The following FRMPD4 variants were observed in gnomAD, a reference collection of about 807,000 sequenced individuals.
FRMPD4 encodes the protein FERM and PDZ domain-containing protein 4.
Under a neutral mutation model 94.1 loss-of-function variants are expected in FRMPD4, and 22 were observed. The ratio of observed to expected loss-of-function variants is 0.23; its 90% CI spans 0.17 to 0.33. The LOEUF (loss-of-function observed/expected upper bound fraction) is 0.33. Among genes scored for constraint, FRMPD4 ranks in the 10% least tolerant of loss-of-function variants. FRMPD4 has a pLI of 1.00. For synonymous variants in FRMPD4, 631 were observed against 548.6 expected (o/e 1.15, Z -2.10); for missense variants, 1,111 against 1,339.9 (o/e 0.83, Z 2.67).
intron 1 of FRMPD4, among the ~76,000 whole-genome samples, chrX:12,476,030 A>G (rs1197568137): frequency 1.8e-5 from 2 of 110,580 alleles, no homozygotes; most frequent in Non-Finnish European, 3.8e-5. Context: ...AAAAGAACAA[A>G]GCTGGAGGCA....
intron 1 of FRMPD4, among the ~76,000 whole-genome samples, chrX:12,273,825 A>G (rs1366043513): frequency 1.8e-5 from 2 of 112,499 alleles, no homozygotes; most frequent in Non-Finnish European, 3.8e-5. Flanking sequence ...CTGGGTATCA[A>G]AACTGCATGC....
intron 1 of FRMPD4, chrX:12,494,913 A>AT (rs1447564936): frequency 4.1e-6 from 1 of 241,677 alleles, no homozygotes; most frequent in Admixed American, 9.3e-5. Flanking sequence ...GTAGGTCGCT[A>AT]TTTTTAAGGC....
At chrX:12,376,543 TC>T (rs1236794750) in intron 1 of FRMPD4, among the ~76,000 whole-genome samples, 2 of 112,559 alleles carry the variant, frequency 1.8e-5, no homozygotes, top group Non-Finnish European at 3.8e-5. Flanking sequence ...TTGTGAAATC[TC>T]CTAACCAGAT....
intron 2 of FRMPD4, among the ~76,000 whole-genome samples, chrX:12,603,963 C>T (rs1353960356): frequency 9.1e-6 from 1 of 110,078 alleles, no homozygotes; most frequent in Non-Finnish European, 1.9e-5. Flanking sequence ...GAAAACACAA[C>T]CTGTTGAGAG....
chrX:12,174,231 C>CT (rs931996257), intron 1 of FRMPD4, among the ~76,000 whole-genome samples: 1 of 112,308 alleles, frequency 8.9e-6, no homozygotes, highest in Non-Finnish European at 1.9e-5. Flanking sequence ...TCCAGTAAAA[C>CT]TTTTTTTACA....
intron 1 of FRMPD4, among the ~76,000 whole-genome samples, chrX:12,241,926 A>G (rs1268633341): frequency 1.1e-5 from 1 of 94,055 alleles, no homozygotes; most frequent in Admixed American, 1.3e-4. Context: ...GAAGAAGGAG[A>G]AGGAGAAGGA....
intron 2 of FRMPD4, among the ~76,000 whole-genome samples, chrX:12,516,333 G>C (rs969132580): frequency 1.8e-5 from 2 of 112,098 alleles, no homozygotes; most frequent in Non-Finnish European, 3.8e-5. Flanking sequence ...GTAGTGGCTT[G>C]TGATAGTTTT....
chrX:12,170,187 T>TG (rs1456291289), intron 1 of FRMPD4, among the ~76,000 whole-genome samples: 2 of 87,027 alleles, frequency 2.3e-5, no homozygotes, highest in African/African-American at 1.0e-4. Context: ...TCCACAGAGT[T>TG]TTTTTTTTTT....
intron 1 of FRMPD4, among the ~76,000 whole-genome samples, chrX:12,305,747 T>TTTTTG (rs1569225517): frequency 1.1e-5 from 1 of 91,699 alleles, no homozygotes; most frequent in South Asian, 5.5e-4. Context: ...TTTTTTTTTT[T>TTTTTG]ACAGAGACAG....
At position 12,362,923 on chromosome X, in the gene FRMPD4, T is replaced by C. The variant is rs1216951676; in HGVS notation, c.42-135757T>C. ...CTAACTGGTGTGAGATGGTATCTCA[T>C]TGTGGTTTTGATTTGTATTTCTCTG... On this transcript the variant is annotated intron_variant, in intron 1 of 16. Coordinates refer to ENST00000675598, the MANE Select transcript of FRMPD4 (RefSeq NM_001368397.1). Among the ~76,000 whole-genome samples, 3 of 112,033 alleles carry C rather than the reference T, an allele frequency of 2.7e-5. No homozygotes were observed. The East Asian group carries it at 8.4e-4, about 31-fold the overall frequency.
intron 3 of FRMPD4, among the ~76,000 whole-genome samples, chrX:11,926,876 A>G (rs1356577174): frequency 9.0e-6 from 1 of 111,581 alleles, no homozygotes; most frequent in South Asian, 3.8e-4. Flanking sequence ...CCTATTCAGC[A>G]TAGTATTGGA....
At chrX:12,171,714 A>G (rs1363622984) in intron 1 of FRMPD4, among the ~76,000 whole-genome samples, 1 of 112,162 alleles carries the variant, frequency 8.9e-6, no homozygotes, top group East Asian at 2.8e-4. Context: ...TGAGCGTGGG[A>G]CTTCATATCT....
chrX:12,363,831 G>A (rs1334778269), intron 1 of FRMPD4, among the ~76,000 whole-genome samples: 1 of 111,690 alleles, frequency 9.0e-6, no homozygotes, highest in Non-Finnish European at 1.9e-5. Flanking sequence ...TTGCCAACAT[G>A]ACAGCCAGGA....
intron 3 of FRMPD4, among the ~76,000 whole-genome samples, chrX:12,106,012 C>T (rs1473850514): frequency 8.9e-6 from 1 of 112,062 alleles, no homozygotes; most frequent in East Asian, 2.8e-4. Context: ...TTCTTGGGCT[C>T]CACTACCTTC....
chrX:12,213,037 T>G (rs778012230), intron 1 of FRMPD4, among the ~76,000 whole-genome samples: 1 of 111,429 alleles, frequency 9.0e-6, no homozygotes, highest in Non-Finnish European at 1.9e-5. Context: ...TCTCCCTCAT[T>G]AATTTCTTTC....
At chrX:12,421,788 T>TGG (rs58028553) in intron 1 of FRMPD4, among the ~76,000 whole-genome samples, 3 of 94,636 alleles carry the variant, frequency 3.2e-5, no homozygotes, top group Non-Finnish European at 4.2e-5. Flanking sequence ...AAAAAAAAGC[T>TGG]GGGGGGGCAG....
At chrX:12,373,617 T>C (rs1006466736) in intron 1 of FRMPD4, among the ~76,000 whole-genome samples, 1 of 112,025 alleles carries the variant, frequency 8.9e-6, no homozygotes, top group Non-Finnish European at 1.9e-5. Flanking sequence ...AATCTGACAA[T>C]AGAATAATAT....
intron 8 of FRMPD4, among the ~76,000 whole-genome samples, chrX:12,692,184 G>A (rs980567330): frequency 8.9e-6 from 1 of 112,392 alleles, no homozygotes; most frequent in Middle Eastern, 4.6e-3. Context: ...TCCCGCTCCA[G>A]TTACATTTCT....
rs921537448 is a variant in FRMPD4, at chrX:12,143,690, G to A, written c.41+4678G>A. 5.4e-5 allele frequency among the ~76,000 whole-genome samples: 6 copies of A among 110,319 alleles called. 1 individual carries two copies. The highest frequency in any genetic ancestry group is 3.9e-4 in the Admixed American group (4 of 10,368). ...TTAAACAATGCCTTTTCCTGTTTTC[G>A]CTTCTTTATCATTATCAGCACACAT... On this transcript the variant is annotated intron_variant, in intron 1 of 16. Coordinates refer to ENST00000675598, the MANE Select transcript of FRMPD4 (RefSeq NM_001368397.1).
Sources: gnomAD v4.1 joint callset for allele counts (sites outside exome capture counted in the v4.1 genomes callset) on GRCh38, gnomAD v4.1.1 for gene constraint, MANE v1.5 for transcripts, NCBI Gene and HGNC (gene_info 2026-07-23, HGNC 2026-07-21) for gene names.